The following GALNT7 variants were observed in gnomAD, a reference collection of about 807,000 sequenced individuals.
The protein encoded by GALNT7 is N-acetylgalactosaminyltransferase 7.
A neutral mutation model predicts 82.1 loss-of-function variants in GALNT7; 60 were observed. The observed-to-expected ratio is 0.73, with a 90% CI of 0.59 to 0.91. The LOEUF (loss-of-function observed/expected upper bound fraction) is 0.91. Among genes scored for constraint, GALNT7 ranks in the 40% least tolerant of loss-of-function variants. The pLI is 0.00. For missense variants in GALNT7, 660 were observed against 804.2 expected (o/e 0.82, Z 2.17); for synonymous variants, 243 against 275.1 (o/e 0.88, Z 1.15).
At chr4:173,189,106 C>T (rs1484356929) in intron 1 of GALNT7, among the ~76,000 whole-genome samples, 1 of 152,236 alleles carries the variant, frequency 6.6e-6, no homozygotes, top group Non-Finnish European at 1.5e-5. Flanking sequence ...GATCATCTTA[C>T]ACTCATATCA....
chr4:173,207,419 T>C (rs1213608352), intron 1 of GALNT7, among the ~76,000 whole-genome samples: 1 of 152,220 alleles, frequency 6.6e-6, no homozygotes, highest in East Asian at 1.9e-4. Context: ...AAAGAAAACA[T>C]ACTTTTTAAG....
intron 1 of GALNT7, among the ~76,000 whole-genome samples, chr4:173,209,233 A>G (rs755183151): frequency 1.3e-5 from 2 of 152,164 alleles, no homozygotes; most frequent in Non-Finnish European, 2.9e-5. Context: ...TCTTTATCAA[A>G]ATGTTTTTAG....
chr4:173,316,614 A>C (rs1469662958), intron 9 of GALNT7: 1 of 152,214 alleles, frequency 6.6e-6, no homozygotes, highest in Non-Finnish European at 1.5e-5. Flanking sequence ...CATGCCTGGC[A>C]CACATCAGGT....
At chr4:173,174,433 T>TAA (rs1461364343) in intron 1 of GALNT7, among the ~76,000 whole-genome samples, 2 of 152,220 alleles carry the variant, frequency 1.3e-5, no homozygotes, top group Non-Finnish European at 2.9e-5. Context: ...AGGCACATAT[T>TAA]AAATATTTTT....
Position 173,225,018 on chromosome 4 carries a change from A to AAATAATAATAATAATAAT in GALNT7, c.127-22946_127-22929dup, listed in dbSNP as rs70944438. On this transcript the variant is annotated intron_variant, in intron 1 of 11. Transcript: ENST00000265000. ...CGACAGAGCGAGACTCTGTCTCAAA[A>AAATAATAATAATAATAAT]AATAATAATAATAATAATAATAATA... 2.6e-3 allele frequency among the ~76,000 whole-genome samples: 381 copies of AAATAATAATAATAATAAT among 144,562 alleles called. 1 individual carries two copies. The highest frequency in any genetic ancestry group is 9.1e-3 in the African/African-American group (358 of 39,348). 94.8% of individuals were successfully genotyped at this position (144,562 alleles called of 152,430 possible). A position where few individuals can be genotyped will look rare whatever the true frequency, so the allele number is the denominator to read the frequency against.
At chr4:173,188,726 T>A (rs1405849009) in intron 1 of GALNT7, among the ~76,000 whole-genome samples, 1 of 152,206 alleles carries the variant, frequency 6.6e-6, no homozygotes, top group African/African-American at 2.4e-5. Context: ...ATCATCCAGC[T>A]GTGTAAATCT....
chr4:173,264,762 A>G (rs971160526), intron 2 of GALNT7, among the ~76,000 whole-genome samples: 4 of 152,168 alleles, frequency 2.6e-5, no homozygotes, highest in Non-Finnish European at 2.9e-5. Flanking sequence ...GTTTCTCTAG[A>G]TAAAAAAGCT....
intron 1 of GALNT7, among the ~76,000 whole-genome samples, chr4:173,241,019 T>C (rs1734411287): frequency 6.6e-6 from 1 of 152,052 alleles, no homozygotes; most frequent in Admixed American, 6.5e-5. Context: ...ATGTAGATGG[T>C]TTTGGATAAT....
intron 1 of GALNT7, among the ~76,000 whole-genome samples, chr4:173,205,835 G>T (rs1346603730): frequency 6.6e-6 from 1 of 151,708 alleles, no homozygotes; most frequent in Non-Finnish European, 1.5e-5. Flanking sequence ...TCATGACTAG[G>T]GCTGCAGGGC....
intron 9 of GALNT7, chr4:173,317,417 G>T: frequency 2.2e-6 from 1 of 448,108 alleles, no homozygotes; most frequent in South Asian, 2.8e-5. Flanking sequence ...ATAGTCCTTT[G>T]CTCTTAGAGA....
At position 173,304,013 on chromosome 4, in the gene GALNT7, C is replaced by T. The variant is rs1440337089; in HGVS notation, c.1284C>T (p.Gly428=). 3 of 1,610,238 alleles carry T rather than the reference C, an allele frequency of 1.9e-6. No individual in the cohort carries two copies. The highest frequency in any genetic ancestry group is 1.7e-6 in the Non-Finnish European group (2 of 1,177,910). The change falls in exon 8 of 12, where the codon GGC becomes GGT. Residue 428 remains glycine (G), a synonymous_variant. Transcript: ENST00000265000. ...CTTCATAGATATGGCAGTGTGGTGGCAAATTATTATTTGTTCCTTGTTCTC... is the reference window on the plus strand; with the variant it reads ...CTTCATAGATATGGCAGTGTGGTGGTAAATTATTATTTGTTCCTTGTTCTC... The part of the protein sequence containing the change: ...EISYKIWQCG[G]KLLFVPCSRV...
intron 2 of GALNT7, among the ~76,000 whole-genome samples, chr4:173,265,614 T>C: frequency 6.9e-6 from 1 of 144,866 alleles, no homozygotes; most frequent in African/African-American, 2.8e-5. Context: ...TCTCTCTCTC[T>C]CTCTCTGTCT....
intron 1 of GALNT7, among the ~76,000 whole-genome samples, chr4:173,235,092 C>T (rs1734172320): frequency 6.6e-6 from 1 of 152,176 alleles, no homozygotes; most frequent in Non-Finnish European, 1.5e-5. Context: ...GTCCACTTTC[C>T]ACTTTTTTTC....
intron 6 of GALNT7, among the ~76,000 whole-genome samples, chr4:173,301,693 G>A (rs146451882): frequency 0.01 from 1,551 of 152,260 alleles, 13 homozygotes; most frequent in Non-Finnish European, 0.015. Flanking sequence ...AGCAGACCAC[G>A]GCTGTATGGC....
chr4:173,231,493 C>T (rs888335808), intron 1 of GALNT7, among the ~76,000 whole-genome samples: 2 of 152,166 alleles, frequency 1.3e-5, no homozygotes, highest in African/African-American at 4.8e-5. Context: ...TTCAAACCTA[C>T]ATCAGTGGCT....
chr4:173,193,630 A>C (rs1294640179), intron 1 of GALNT7, among the ~76,000 whole-genome samples: 18 of 152,216 alleles, frequency 1.2e-4, no homozygotes. Context: ...CAACTGTGAT[A>C]TATAGTATGA....
At chr4:173,221,423 GCA>G (rs1733640808) in intron 1 of GALNT7, among the ~76,000 whole-genome samples, 1 of 152,196 alleles carries the variant, frequency 6.6e-6, no homozygotes. Context: ...AAATGGAGAA[GCA>G]ATCAATGCTG....
At chr4:173,285,631 T>C (rs750819150) in intron 2 of GALNT7, among the ~76,000 whole-genome samples, 12 of 152,262 alleles carry the variant, frequency 7.9e-5, no homozygotes, top group African/African-American at 1.7e-4. Context: ...CAAAATATTT[T>C]ATTTCAGTGC....
intron 2 of GALNT7, among the ~76,000 whole-genome samples, chr4:173,267,250 A>C (rs1399822976): frequency 2.0e-5 from 3 of 152,130 alleles, no homozygotes; most frequent in Non-Finnish European, 2.9e-5. Context: ...TATGGCCTAG[A>C]AGTAGAGGAT....
Sources: gnomAD v4.1 joint callset for allele counts (sites outside exome capture counted in the v4.1 genomes callset) on GRCh38, gnomAD v4.1.1 for gene constraint, MANE v1.5 for transcripts, NCBI Gene and HGNC (gene_info 2026-07-23, HGNC 2026-07-21) for gene names.